The following PCDH7 variants were observed in gnomAD, a reference collection of about 807,000 sequenced individuals.
The protein encoded by PCDH7 is protocadherin-7.
PCDH7 carries 17 observed loss-of-function variants against 58.9 expected under a neutral mutation model. The ratio of observed to expected loss-of-function variants is 0.29; its 90% CI spans 0.20 to 0.43. PCDH7 has a LOEUF of 0.43. Among genes scored for constraint, PCDH7 ranks in the 20% least tolerant of loss-of-function variants. PCDH7 has a pLI of 1.00. For missense variants in PCDH7, 1,274 were observed against 1,441.0 expected, an observed-to-expected ratio of 0.88 and a Z score of 1.88; for synonymous variants, 664 against 616.4, an observed-to-expected ratio of 1.08 and a Z score of -1.14.
intron 1 of PCDH7, among the ~76,000 whole-genome samples, chr4:30,902,608 A>C (rs1740373262): frequency 6.6e-6 from 1 of 152,142 alleles, no homozygotes; most frequent in Non-Finnish European, 1.5e-5. Flanking sequence ...TTATCATTTT[A>C]GTGCTTCTGA....
intron 1 of PCDH7, among the ~76,000 whole-genome samples, chr4:30,752,813 GA>G (rs1229976505): frequency 3.7e-4 from 49 of 132,278 alleles, no homozygotes; most frequent in African/African-American, 7.5e-4. Flanking sequence ...GAAAGAAAAA[GA>G]AAAAAAAGAA....
At chr4:31,137,449 T>C (rs1359889795) in intron 3 of PCDH7, among the ~76,000 whole-genome samples, 2 of 152,102 alleles carry the variant, frequency 1.3e-5, no homozygotes, top group Non-Finnish European at 2.9e-5. Flanking sequence ...CCTGGTTTGG[T>C]GGTGCATGCC....
chr4:31,078,916 C>A (rs1172690913), intron 3 of PCDH7, among the ~76,000 whole-genome samples: 2 of 151,730 alleles, frequency 1.3e-5, no homozygotes, highest in African/African-American at 2.4e-5. Flanking sequence ...AATAGGTCCA[C>A]ATATATGTGG....
chr4:30,811,433 C>G (rs1467555373), intron 1 of PCDH7, among the ~76,000 whole-genome samples: 1 of 152,152 alleles, frequency 6.6e-6, no homozygotes, highest in Non-Finnish European at 1.5e-5. Flanking sequence ...CAACATTCAA[C>G]AAACAATTAT....
intron 3 of PCDH7, among the ~76,000 whole-genome samples, chr4:30,960,606 C>A (rs1216730159): frequency 6.6e-6 from 1 of 152,148 alleles, no homozygotes; most frequent in Non-Finnish European, 1.5e-5. Context: ...GTGTAAACAT[C>A]AGATTAAAAA....
In PCDH7 at chr4:30,772,214, A is replaced by G. The variant is rs118002441; in HGVS notation, c.70+47618A>G. 1.7e-4 allele frequency among the ~76,000 whole-genome samples: 26 copies of G among 152,328 alleles called. 1 individual carries two copies. In the East Asian group the frequency reaches 4.6e-3, roughly 27 times the overall value. ...ACACTTCCATAGGTTCTGATTTTGT[A>G]TAACCAACCTGAAACATGTTTCAAT... On this transcript the variant is annotated intron_variant, in intron 1 of 3. Coordinates refer to the PCDH7 transcript ENST00000509759.
intron 3 of PCDH7, among the ~76,000 whole-genome samples, chr4:30,955,900 A>C (rs13149295): frequency 0.61 from 92,646 of 151,168 alleles, 29,541 homozygotes; most frequent in African/African-American, 0.81. Context: ...AAAATGAATT[A>C]CAGGCTGGAC....
At chr4:30,748,187 T>C (rs1416191149) in intron 1 of PCDH7, among the ~76,000 whole-genome samples, 1 of 152,222 alleles carries the variant, frequency 6.6e-6, no homozygotes, top group African/African-American at 2.4e-5. Flanking sequence ...GCTTGTTACA[T>C]ACAAATACTC....
intron 1 of PCDH7, among the ~76,000 whole-genome samples, chr4:30,788,563 A>T (rs535881391): frequency 1.4e-4 from 22 of 152,288 alleles, no homozygotes; most frequent in African/African-American, 5.3e-4. Context: ...ACTACTTTAT[A>T]AAATGCCTAT....
intron 3 of PCDH7, among the ~76,000 whole-genome samples, chr4:31,056,468 A>AGAAGGAAAGAAAAAGAAAGAAG (rs1757209608): frequency 7.8e-6 from 1 of 127,662 alleles, no homozygotes; most frequent in African/African-American, 2.9e-5. Context: ...GAAGAAAGAA[A>AGAAGGAAAGAAAAAGAAAGAAG]GAAAGAAAGA....
At chr4:30,800,215 G>T (rs1283521451) in intron 1 of PCDH7, among the ~76,000 whole-genome samples, 1 of 151,942 alleles carries the variant, frequency 6.6e-6, no homozygotes. Flanking sequence ...CCTAATGTCA[G>T]TGTGGGGTCA....
At chr4:30,954,460 A>G (rs967220737) in intron 3 of PCDH7, among the ~76,000 whole-genome samples, 2 of 152,120 alleles carry the variant, frequency 1.3e-5, no homozygotes, top group African/African-American at 4.8e-5. Flanking sequence ...GTATGAATAT[A>G]TGCACCTCCC....
chr4:30,851,790 T>C (rs1170404085), intron 1 of PCDH7, among the ~76,000 whole-genome samples: 1 of 152,074 alleles, frequency 6.6e-6, no homozygotes, highest in African/African-American at 2.4e-5. Flanking sequence ...CTTGAAAATA[T>C]ATTGTCAAGA....
At chr4:31,079,976 T>C (rs1759367187) in intron 3 of PCDH7, among the ~76,000 whole-genome samples, 1 of 152,076 alleles carries the variant, frequency 6.6e-6, no homozygotes, top group Admixed American at 6.5e-5. Flanking sequence ...GAGTAAACAC[T>C]CAGTAAGAAG....
At chr4:31,098,196 A>G (rs1252345613) in intron 3 of PCDH7, among the ~76,000 whole-genome samples, 1 of 152,224 alleles carries the variant, frequency 6.6e-6, no homozygotes, top group African/African-American at 2.4e-5. Flanking sequence ...CAGGGTCACT[A>G]GTTAAAATGT....
intron 1 of PCDH7, among the ~76,000 whole-genome samples, chr4:30,832,283 G>T (rs1389785898): frequency 6.6e-6 from 1 of 152,170 alleles, no homozygotes; most frequent in Middle Eastern, 3.2e-3. Context: ...AGCAGGAATG[G>T]TGCCTAATTT....
At chr4:30,939,676 AT>A (rs1745795884) in intron 2 of PCDH7, among the ~76,000 whole-genome samples, 1 of 152,114 alleles carries the variant, frequency 6.6e-6, no homozygotes, top group African/African-American at 2.4e-5. Context: ...AACTGTCTCT[AT>A]AAAGGAATTT....
chr4:30,782,778 A>G (rs938757231), intron 1 of PCDH7, among the ~76,000 whole-genome samples: 2 of 152,226 alleles, frequency 1.3e-5, no homozygotes, highest in Non-Finnish European at 2.9e-5. Flanking sequence ...GGAACTTAGC[A>G]AGGCCTACTT....
intron 3 of PCDH7, among the ~76,000 whole-genome samples, chr4:31,117,660 A>G (rs1366118608): frequency 1.3e-5 from 2 of 152,168 alleles, no homozygotes; most frequent in Non-Finnish European, 2.9e-5. Context: ...ATAAGACTAC[A>G]TTTGTTCCTT....
Sources: allele counts gnomAD v4.1 joint callset (sites outside exome capture counted in the v4.1 genomes callset), GRCh38; gene constraint gnomAD v4.1.1; transcripts MANE v1.5; gene names NCBI Gene and HGNC (gene_info 2026-07-23, HGNC 2026-07-21).